The following CERS6 variants were observed in gnomAD, a reference collection of about 807,000 sequenced individuals.
CERS6 encodes LAG1 homolog, ceramide synthase 6.
In CERS6, 26 loss-of-function variants were observed where a neutral mutation model predicts 56.8. The observed-to-expected ratio is 0.46, with a 90% CI of 0.34 to 0.63. CERS6 has a LOEUF of 0.63. Among genes scored for constraint, CERS6 ranks in the 30% least tolerant of loss-of-function variants. The pLI is 0.01. For synonymous variants in CERS6, 164 were observed against 173.3 expected (o/e 0.95, Z 0.42); for missense variants, 415 against 467.5 (o/e 0.89, Z 1.04).
chr2:168,607,602 G>A (rs554696248), intron 3 of CERS6, among the ~76,000 whole-genome samples: 40 of 152,186 alleles, frequency 2.6e-4, no homozygotes, highest in East Asian at 5.8e-4. Flanking sequence ...GGATGATCTC[G>A]ATCTCCTGAT....
intron 8 of CERS6, among the ~76,000 whole-genome samples, chr2:168,740,558 A>G (rs527394705): frequency 1.3e-5 from 2 of 152,216 alleles, no homozygotes; most frequent in East Asian, 1.9e-4. Context: ...TTAACATCCA[A>G]CCTTTTCTGA....
chr2:168,735,890 A>AAG (rs1683700742), intron 8 of CERS6, among the ~76,000 whole-genome samples: 2 of 151,070 alleles, frequency 1.3e-5, no homozygotes, highest in Admixed American at 1.3e-4. Context: ...CAAAAAAAAA[A>AAG]AAAAAAAAGA....
At chr2:168,491,005 C>CGG (rs1001144624) in intron 1 of CERS6, among the ~76,000 whole-genome samples, 2 of 152,076 alleles carry the variant, frequency 1.3e-5, no homozygotes, top group Non-Finnish European at 2.9e-5. Flanking sequence ...AGGCAGGTAA[C>CGG]ATTTTCTGAG....
chr2:168,545,030 G>C (rs1695438716), intron 1 of CERS6, among the ~76,000 whole-genome samples: 1 of 151,858 alleles, frequency 6.6e-6, no homozygotes, highest in African/African-American at 2.4e-5. Flanking sequence ...CTTACCCATG[G>C]CTCCTGTCAA....
rs1491336787 is a variant in CERS6 at position 168,559,734 on chromosome 2, C to CATATATATATATATATATATAT, written c.277-1438_277-1437insATATATATATATATATATATAT. Among the ~76,000 whole-genome samples the CATATATATATATATATATATAT allele has an allele frequency of 3.5e-5, 3 of 85,510 alleles. 1 individual carries two copies. The highest frequency in any genetic ancestry group is 7.7e-5 in the African/African-American group (2 of 25,810). 56.1% of individuals were successfully genotyped at this position (85,510 alleles called of 152,430 possible). A position where few individuals can be genotyped will look rare whatever the true frequency, so the allele number is the denominator to read the frequency against. On this transcript the variant is annotated intron_variant, in intron 2 of 9. Transcript: ENST00000305747. ...GCTTGAGCTGCTTTTAGAAAGGTAT[C>CATATATATATATATATATATAT]ATATATATATATATATATATTTCAC...
Position 168,769,822 on chromosome 2 carries a change from G to T in CERS6, c.*160G>T. 1 of 645,170 alleles carries T rather than the reference G, an allele frequency of 1.5e-6. No homozygotes were observed. Among genetic ancestry groups the T allele is most frequent in the Non-Finnish European group, 2.6e-6 (1 of 382,238 alleles). The allele number at this position is 645,170 out of a possible 1,614,324, so 40.0% of individuals were successfully genotyped here. A position where few individuals can be genotyped will look rare whatever the true frequency, so the allele number is the denominator to read the frequency against. ...GTGCACTGCCATGTGTCCTGTCTGT[G>T]AATGAAGAAGAATTACCATTCTCTC... On this transcript the variant is annotated 3_prime_UTR_variant, in exon 10 of 10. Coordinates refer to ENST00000305747, the MANE Select transcript of CERS6 (RefSeq NM_203463.3).
intron 3 of CERS6, among the ~76,000 whole-genome samples, chr2:168,571,827 A>G (rs892871830): frequency 1.3e-5 from 2 of 152,180 alleles, no homozygotes; most frequent in Non-Finnish European, 2.9e-5. Context: ...CAATCCAATT[A>G]TACTCTTTTA....
chr2:168,613,989 G>C (rs1400519636), intron 3 of CERS6, among the ~76,000 whole-genome samples: 1 of 152,216 alleles, frequency 6.6e-6, no homozygotes, highest in Non-Finnish European at 1.5e-5. Context: ...TGTGTGCATT[G>C]TAATGGGGTT....
intron 1 of CERS6, among the ~76,000 whole-genome samples, chr2:168,531,851 A>C (rs1293376048): frequency 2.6e-5 from 4 of 151,514 alleles, no homozygotes; most frequent in Non-Finnish European, 4.4e-5. Flanking sequence ...AGTGACCACC[A>C]CAGACGAGGG....
At chr2:168,644,434 T>C (rs754285037) in intron 4 of CERS6, 23 of 795,340 alleles carry the variant, frequency 2.9e-5, no homozygotes, top group Non-Finnish European at 3.5e-5. Context: ...GGGTCAAGCA[T>C]TCAACTTCTG....
chr2:168,513,458 T>C (rs1694831042), intron 1 of CERS6, among the ~76,000 whole-genome samples: 1 of 152,242 alleles, frequency 6.6e-6, no homozygotes, highest in Non-Finnish European at 1.5e-5. Flanking sequence ...TTCTTGTTTA[T>C]GACTTGAGCA....
chr2:168,545,835 C>T (rs1695456744), intron 1 of CERS6, among the ~76,000 whole-genome samples: 1 of 150,490 alleles, frequency 6.6e-6, no homozygotes, highest in South Asian at 2.1e-4. Flanking sequence ...CAGGCTGTTA[C>T]AAGGATGATG....
At chr2:168,671,153 G>A (rs1242638387) in intron 4 of CERS6, among the ~76,000 whole-genome samples, 1 of 151,512 alleles carries the variant, frequency 6.6e-6, no homozygotes, top group African/African-American at 2.4e-5. Flanking sequence ...TTTCAGTAGA[G>A]ACAGGGTTTC....
chr2:168,734,191 G>A (rs890417583), intron 8 of CERS6, among the ~76,000 whole-genome samples: 2 of 152,186 alleles, frequency 1.3e-5, no homozygotes, highest in African/African-American at 2.4e-5. Context: ...AGGTGTGGGC[G>A]GTGAGCAAAA....
intron 6 of CERS6, among the ~76,000 whole-genome samples, chr2:168,711,759 G>A (rs189216581): frequency 6.2e-4 from 93 of 148,942 alleles, no homozygotes; most frequent in African/African-American, 2.2e-3. Flanking sequence ...AGTATAGTTA[G>A]GAAATTACCC....
Position 168,746,796 on chromosome 2 carries a change from TATATATATATATATATATATATATAA to T in CERS6, c.846-18794_846-18769del, listed in dbSNP as rs1355953239. 9.7e-3 allele frequency among the ~76,000 whole-genome samples: 1,019 copies of T among 104,880 alleles called. 23 individuals carry two copies. The highest frequency in any genetic ancestry group is 0.013 in the Non-Finnish European group (699 of 52,376). 68.8% of individuals were successfully genotyped at this position (104,880 alleles called of 152,430 possible). ...AAGGGTATATATATATATATATATA[TATATATATATATATATATATATATAA>T]AATCATCTTTGAAAAAATGATTATA... On this transcript the variant is annotated intron_variant, in intron 8 of 9. Coordinates refer to ENST00000305747, the MANE Select transcript of CERS6 (RefSeq NM_203463.3).
At chr2:168,766,528 C>T (rs1434993124) in intron 9 of CERS6, among the ~76,000 whole-genome samples, 3 of 152,152 alleles carry the variant, frequency 2.0e-5, no homozygotes, top group Non-Finnish European at 2.9e-5. Context: ...CTGTTAGGGC[C>T]CTTTGGTGTG....
chr2:168,571,519 A>C (rs1695986614), intron 3 of CERS6, among the ~76,000 whole-genome samples: 1 of 152,076 alleles, frequency 6.6e-6, no homozygotes, highest in Non-Finnish European at 1.5e-5. Context: ...CTCAAGTTGG[A>C]ATGATTTGAG....
chr2:168,639,134 C>T (rs1324314951), intron 4 of CERS6, among the ~76,000 whole-genome samples: 2 of 152,136 alleles, frequency 1.3e-5, no homozygotes, highest in African/African-American at 2.4e-5. Flanking sequence ...GCATAGACTT[C>T]TACTCAAAAG....
Sources: allele counts gnomAD v4.1 joint callset (sites outside exome capture counted in the v4.1 genomes callset), GRCh38; gene constraint gnomAD v4.1.1; transcripts MANE v1.5; gene names NCBI Gene and HGNC (gene_info 2026-07-23, HGNC 2026-07-21).